Variants in MROH2B observed in about 807,000 individuals in gnomAD.
MROH2B encodes maestro heat like repeat family member 2B.
A neutral mutation model predicts 208.6 loss-of-function variants in MROH2B; 177 were observed. The ratio of observed to expected loss-of-function variants is 0.85; its 90% CI spans 0.75 to 0.96. MROH2B has a LOEUF of 0.96. Ranked by LOEUF, MROH2B falls within the 40% of genes least tolerant of loss-of-function variation. The pLI is 0.00. For synonymous variants in MROH2B, 728 were observed against 659.0 expected, an observed-to-expected ratio of 1.10 and a Z score of -1.60; for missense variants, 2,002 against 1,878.7, an observed-to-expected ratio of 1.07 and a Z score of -1.21.
In MROH2B at chr5:41,067,153, G is replaced by T; in HGVS notation, c.156C>A (p.Val52=). 6.4e-7 allele frequency: 1 copy of T among 1,556,134 alleles called. No individual in the cohort carries two copies. Among genetic ancestry groups the T allele is most frequent in the Non-Finnish European group, 8.7e-7 (1 of 1,148,602 alleles). Residue 52 remains valine (V), a synonymous_variant, in exon 3 of 42, where the codon GTC becomes GTA. Coordinates refer to ENST00000399564, the MANE Select transcript of MROH2B (RefSeq NM_173489.5). Reference sequence around the variant, plus strand: ...TAGAAGCATAATAAATCAATCGTTGGACAATTGCATCATCCAAGATGTCAG... The same window carrying T: ...TAGAAGCATAATAAATCAATCGTTGTACAATTGCATCATCCAAGATGTCAG... ...QNTDILDDAI[V]QRLIYYASKD... is the part of the protein sequence containing the mutation.
chr5:41,012,834 C>A, intron 29 of MROH2B, 99 bp from the exon 30 acceptor site: 1 of 1,454,754 alleles, frequency 6.9e-7, no homozygotes, highest in East Asian at 2.3e-5. Flanking sequence ...TATTAGAAAC[C>A]ACTGAACTTT....
intron 9 of MROH2B, among the ~76,000 whole-genome samples, chr5:41,056,480 G>T (rs2150178912): frequency 6.6e-6 from 1 of 152,214 alleles, no homozygotes; most frequent in Admixed American, 6.5e-5. Context: ...TGTAGTATTT[G>T]GGGGAGTGCA....
At chr5:41,043,202 A>AG (rs1283606873) in intron 18 of MROH2B, among the ~76,000 whole-genome samples, 3 of 152,166 alleles carry the variant, frequency 2.0e-5, no homozygotes, top group Admixed American at 2.0e-4. Flanking sequence ...TTGAAATGAG[A>AG]GGGGGGCATA....
rs1452567790 is a variant in MROH2B at position 41,008,753 on chromosome 5, G to A, written c.3461C>T (p.Ser1154Phe). Residue 1154 changes from serine (S) to phenylalanine (F), a missense_variant, in exon 33 of 42, where the codon TCT (serine) becomes TTT (phenylalanine). Ser to Phe is a radical substitution (Grantham distance 155, BLOSUM62 -2). Transcript: ENST00000399564. ...AMYEVISMGT[S>F]VTGLYPELFT... ...CAGCTCTGGATACAAGCCGGTGACA[G>A]AGGTGCCCATTGAGATCACTTCATA... The A allele has an allele frequency of 6.2e-7, 1 of 1,613,728 alleles. No homozygotes were observed. Among genetic ancestry groups the A allele is most frequent in the Admixed American group, 1.7e-5 (1 of 59,978 alleles).
intron 40 of MROH2B, 30 bp downstream of exon 40, chr5:40,999,647 T>C: frequency 5.1e-6 from 8 of 1,573,830 alleles, no homozygotes; most frequent in Non-Finnish European, 6.9e-6. Context: ...AGCAGACATA[T>C]CTGGGTAGGA....
chr5:41,071,000 A>T lies in MROH2B; in HGVS notation c.-148T>A. 2 of 718,504 alleles carry T rather than the reference A, an allele frequency of 2.8e-6. No individual in the cohort carries two copies. The highest frequency in any genetic ancestry group is 1.8e-5 in the African/African-American group (1 of 56,510). 44.5% of individuals were successfully genotyped at this position (718,504 alleles called of 1,614,324 possible). A position where few individuals can be genotyped will look rare whatever the true frequency, so the allele number is the denominator to read the frequency against. ...AAAGTGCCTCCTCCACTTGATTGGCACAATGGTCTGGGAGCTTCCAGAGAT... is the reference window on the plus strand; with the variant it reads ...AAAGTGCCTCCTCCACTTGATTGGCTCAATGGTCTGGGAGCTTCCAGAGAT... On this transcript the variant is annotated 5_prime_UTR_variant, in exon 1 of 42. Transcript: ENST00000399564.
In MROH2B at chr5:41,004,546, C is replaced by T. The variant is rs1448348211; in HGVS notation, c.4012-18G>A. ...TTCTTCACCTATTTTGAAATAAGAC[C>T]TCTTAATCTTGAAAATTGTTCTATG... On this transcript the variant is annotated intron_variant, in intron 36 of 41. Coordinates refer to ENST00000399564, the MANE Select transcript of MROH2B (RefSeq NM_173489.5). 3.1e-6 allele frequency: 5 copies of T among 1,597,674 alleles called. No homozygotes were observed. In the East Asian group the frequency reaches 1.1e-4, roughly 36 times the overall value.
intron 30 of MROH2B, among the ~76,000 whole-genome samples, chr5:41,011,749 C>A (rs151304955): frequency 7.2e-5 from 11 of 151,958 alleles, no homozygotes; most frequent in South Asian, 2.1e-4. Context: ...CTCACTGCAA[C>A]CTGTGCCTCC....
At chr5:41,036,407 G>T (rs1403403491) in intron 21 of MROH2B, among the ~76,000 whole-genome samples, 3 of 152,042 alleles carry the variant, frequency 2.0e-5, no homozygotes, top group Admixed American at 2.0e-4. Flanking sequence ...TGATTGTGAG[G>T]CATCCCCAGC....
Position 41,004,857 on chromosome 5 carries a change from G to C in MROH2B, c.3928C>G (p.Gln1310Glu). The C allele has an allele frequency of 6.2e-7, 1 of 1,613,964 alleles. No individual in the cohort carries two copies. The highest frequency in any genetic ancestry group is 8.5e-7 in the Non-Finnish European group (1 of 1,179,872). The change falls in exon 36 of 42, where the codon CAA (glutamine) becomes GAA (glutamate). Residue 1310 changes from glutamine (Q) to glutamate (E), a missense_variant. Coordinates refer to ENST00000399564, the MANE Select transcript of MROH2B (RefSeq NM_173489.5). Reference sequence around the variant, plus strand: ...GTGGCGTTGGAGTCCCAGGCACTTTGATCCATCAAGATCAGCACATTTCGC... The same window carrying C: ...GTGGCGTTGGAGTCCCAGGCACTTTCATCCATCAAGATCAGCACATTTCGC... ...NLRNVLILMDQSAWDSNATLR... is the reference protein window; with the variant it reads ...NLRNVLILMDESAWDSNATLR...
At chr5:41,018,832 G>T (rs767210152) in intron 25 of MROH2B, 46 bp from the exon 26 acceptor site, 102 of 1,613,568 alleles carry the variant, frequency 6.3e-5, no homozygotes, top group Non-Finnish European at 8.4e-5. Flanking sequence ...GGGTGAGAGA[G>T]TAAGGCCCCA....
intron 24 of MROH2B, among the ~76,000 whole-genome samples, chr5:41,027,669 C>T (rs1376899465): frequency 1.3e-5 from 2 of 152,070 alleles, no homozygotes; most frequent in Non-Finnish European, 2.9e-5. Context: ...ACTGTTTGAC[C>T]CAGCAATCCC....
At position 41,055,735 on chromosome 5, in the gene MROH2B, T is replaced by G. The variant is rs1309576557; in HGVS notation, c.1033+7A>C. ...TAAACCATGTTGGCTTCAACCCTCT[T>G]GCTTACCATCAGCATTGACAGCCAA... is the stretch of plus-strand genomic sequence containing the variant. On this transcript the variant is annotated splice_region_variant and intron_variant, in intron 10 of 41. Transcript: ENST00000399564. 2 of 1,608,846 alleles carry G rather than the reference T, an allele frequency of 1.2e-6. No individual in the cohort carries two copies. The highest frequency in any genetic ancestry group is 1.1e-5 in the South Asian group (1 of 90,988).
At chr5:40,998,359 G>C (rs992139551) in intron 41 of MROH2B, among the ~76,000 whole-genome samples, 14 of 152,134 alleles carry the variant, frequency 9.2e-5, no homozygotes, top group African/African-American at 3.1e-4. Context: ...GGAAGAGAAG[G>C]CCCTGACCTT....
chr5:41,052,050 G>A (rs325871), intron 12 of MROH2B, among the ~76,000 whole-genome samples: 132,427 of 152,098 alleles, frequency 0.87, 57,808 homozygotes, highest in Non-Finnish European at 0.91. Flanking sequence ...CTAAGACACC[G>A]TTGCAGCAAG....
chr5:41,038,783 G>C lies in MROH2B; in HGVS notation c.2167C>G (p.Gln723Glu), dbSNP rs766752694. ...PKKQLLSRLN[Q>E]DIISQVLSLH... ...GACAGGACTTGGGATATGATATCTT[G>C]ATTAAGTCTGGAGAGAAGTTGCTTC... Residue 723 changes from glutamine to glutamate, a missense_variant, in exon 21 of 42, where the codon CAA becomes GAA. Physicochemically the swap from Gln to Glu is conservative, Grantham distance 29 (BLOSUM62 2). Coordinates refer to ENST00000399564, the MANE Select transcript of MROH2B (RefSeq NM_173489.5). The C allele has an allele frequency of 1.2e-6, 2 of 1,613,466 alleles. No homozygotes were observed. The highest frequency in any genetic ancestry group is 2.7e-5 in the African/African-American group (2 of 74,878).
chr5:41,033,874 AT>A lies in MROH2B; in HGVS notation c.2215-11del, dbSNP rs879141339. On this transcript the variant is annotated splice_polypyrimidine_tract_variant and intron_variant, in intron 21 of 41. Transcript: ENST00000399564. ...CAGACATGCCCAGAACCTAAAAAAA[AT>A]CAAAGGCAAAATTAGATACTCAATG... The A allele has an allele frequency of 3.2e-6, 5 of 1,549,190 alleles. No homozygotes were observed. The South Asian group carries it at 6.0e-5, about 18-fold the overall frequency.
At chr5:41,062,216 T>C (rs1743664338) in intron 5 of MROH2B, among the ~76,000 whole-genome samples, 1 of 152,202 alleles carries the variant, frequency 6.6e-6, no homozygotes, top group Admixed American at 6.5e-5. Flanking sequence ...AAATAGCTGC[T>C]AATAGGTAGA....
rs1037908938 is a variant in MROH2B, at chr5:41,057,392, G to A, written c.757-32C>T. The A allele has an allele frequency of 7.3e-6, 11 of 1,516,164 alleles. No individual in the cohort carries two copies. The African/African-American group carries it at 1.2e-4, about 17-fold the overall frequency. 93.9% of individuals were successfully genotyped at this position (1,516,164 alleles called of 1,614,324 possible). On this transcript the variant is annotated intron_variant, in intron 7 of 41. Transcript: ENST00000399564. ...TGGAAACTCCCACAGGTTAGTTGGA[G>A]GCTGCCAGGGAAGCAGCTGCACAGG...
Sources: allele counts gnomAD v4.1 joint callset (sites outside exome capture counted in the v4.1 genomes callset), GRCh38; gene constraint gnomAD v4.1.1; transcripts MANE v1.5; gene names NCBI Gene and HGNC (gene_info 2026-07-23, HGNC 2026-07-21).